The following PDE3A variants were observed in gnomAD, a reference collection of about 807,000 sequenced individuals.
PDE3A encodes the protein cGMP-inhibited 3',5'-cyclic phosphodiesterase 3A.
A neutral mutation model predicts 98.3 loss-of-function variants in PDE3A; 43 were observed. That is an observed-to-expected ratio of 0.44 (90% CI 0.34 to 0.56). The LOEUF (loss-of-function observed/expected upper bound fraction) is 0.56, where lower values mean the gene tolerates loss of function less well. PDE3A is among the 20% of genes least tolerant of loss of function. PDE3A has a pLI of 0.01. For synonymous variants in PDE3A, 663 were observed against 567.9 expected, an observed-to-expected ratio of 1.17 and a Z score of -2.38; for missense variants, 1,427 against 1,440.7, an observed-to-expected ratio of 0.99 and a Z score of 0.15.
chr12:20,452,458 A>G (rs1183319951), intron 1 of PDE3A, among the ~76,000 whole-genome samples: 2 of 152,142 alleles, frequency 1.3e-5, no homozygotes, highest in African/African-American at 4.8e-5. Flanking sequence ...TTCCTTTGCA[A>G]TGTGTCTCCA....
chr12:20,398,251 G>T lies in PDE3A; in HGVS notation c.960+28007G>T, dbSNP rs558131221. On this transcript the variant is annotated intron_variant, in intron 1 of 15. Coordinates refer to ENST00000359062, the MANE Select transcript of PDE3A (RefSeq NM_000921.5). ...GGAATTATTCAGTTATCACTGGTCT[G>T]GAGAAGAAAGAGCATGGCCCATTTG... Among the ~76,000 whole-genome samples the T allele has an allele frequency of 1.1e-3, 164 of 150,952 alleles. 2 individuals are homozygous for T. Among genetic ancestry groups the T allele is most frequent in the Admixed American group, 0.011 (161 of 15,154 alleles).
At chr12:20,400,234 G>C (rs1944096984) in intron 1 of PDE3A, among the ~76,000 whole-genome samples, 2 of 152,018 alleles carry the variant, frequency 1.3e-5, no homozygotes, top group Non-Finnish European at 2.9e-5. Flanking sequence ...GGAGCTGCTT[G>C]CTACCTGAAG....
At position 20,684,576 on chromosome 12, in the gene PDE3A, G is replaced by A. The variant is rs772668536; in HGVS notation, c.*4305G>A. 6.6e-6 allele frequency among the ~76,000 whole-genome samples: 1 copy of A among 152,118 alleles called. No individual in the cohort carries two copies. Among genetic ancestry groups the A allele is most frequent in the Non-Finnish European group, 1.5e-5 (1 of 68,026 alleles). ...CCAAACTGAGTTTATTTCATTGATC[G>A]AACAAGCAGCAACACATTTTATGAC... On this transcript the variant is annotated 3_prime_UTR_variant, in exon 16 of 16. Transcript: ENST00000359062.
In PDE3A at chr12:20,680,208, A is replaced by C. The variant is rs1309636625; in HGVS notation, c.3363A>C (p.Glu1121Asp). Reference protein sequence around the residue: ...HSSEQIQAIKEEEEEKGKPRG... With the variant: ...HSSEQIQAIKDEEEEKGKPRG... The stretch of plus-strand genomic sequence containing the variant: ...CAGAACAGATCCAGGCTATCAAGGA[A>C]GAAGAAGAAGAGAAAGGGAAACCAA... The change falls in exon 16 of 16, where the codon GAA becomes GAC. Residue 1121 changes from glutamate to aspartate, a missense_variant. By Grantham distance (45) the Glu-to-Asp change is conservative. Transcript: ENST00000359062. The C allele has an allele frequency of 1.2e-6, 2 of 1,608,476 alleles. No homozygotes were observed. Among genetic ancestry groups the C allele is most frequent in the Non-Finnish European group, 1.7e-6 (2 of 1,175,466 alleles).
chr12:20,411,617 C>T (rs1944333936), intron 1 of PDE3A, among the ~76,000 whole-genome samples: 1 of 152,036 alleles, frequency 6.6e-6, no homozygotes, highest in African/African-American at 2.4e-5. Flanking sequence ...TAACAGGTCT[C>T]TGGAGATTCC....
chr12:20,618,154 G>A (rs1320804926), intron 4 of PDE3A, among the ~76,000 whole-genome samples: 1 of 152,010 alleles, frequency 6.6e-6, no homozygotes, highest in Non-Finnish European at 1.5e-5. Flanking sequence ...AAATCTGAAA[G>A]CAATATAATT....
chr12:20,628,560 G>C (rs1592128004), intron 5 of PDE3A, among the ~76,000 whole-genome samples: 1 of 152,196 alleles, frequency 6.6e-6, no homozygotes, highest in East Asian at 1.9e-4. Flanking sequence ...GTGACCTTGG[G>C]AGGGTTTTTT....
chr12:20,447,432 C>T (rs796806712), intron 1 of PDE3A, among the ~76,000 whole-genome samples: 6 of 152,238 alleles, frequency 3.9e-5, no homozygotes, highest in African/African-American at 1.4e-4. Flanking sequence ...GACTTTCAGC[C>T]CCATCTCTCA....
intron 2 of PDE3A, among the ~76,000 whole-genome samples, chr12:20,598,003 A>G (rs573981920): frequency 6.6e-6 from 1 of 152,300 alleles, no homozygotes; most frequent in South Asian, 2.1e-4. Flanking sequence ...AAGCTTCAAA[A>G]TCACTTCTAA....
chr12:20,400,711 C>T (rs1161534763), intron 1 of PDE3A, among the ~76,000 whole-genome samples: 1 of 152,134 alleles, frequency 6.6e-6, no homozygotes, highest in African/African-American at 2.4e-5. Context: ...AGCCACTGCG[C>T]CCGGTCAACA....
intron 1 of PDE3A, among the ~76,000 whole-genome samples, chr12:20,540,960 A>T (rs1033303009): frequency 6.6e-6 from 1 of 151,672 alleles, no homozygotes; most frequent in African/African-American, 2.4e-5. Flanking sequence ...TTTCTTTAAG[A>T]CCCTCTCACT....
chr12:20,434,348 T>G (rs1944746660), intron 1 of PDE3A, among the ~76,000 whole-genome samples: 1 of 152,138 alleles, frequency 6.6e-6, no homozygotes, highest in Admixed American at 6.6e-5. Context: ...ATAGGGGCTT[T>G]GAATTTGTGT....
intron 2 of PDE3A, among the ~76,000 whole-genome samples, chr12:20,609,116 A>T (rs907509042): frequency 9.2e-5 from 14 of 152,170 alleles, no homozygotes; most frequent in Admixed American, 9.2e-4. Context: ...AAAAAATTGA[A>T]TAATGATATT....
At chr12:20,650,095 G>C (rs1291116883) in intron 13 of PDE3A, among the ~76,000 whole-genome samples, 1 of 152,110 alleles carries the variant, frequency 6.6e-6, no homozygotes, top group African/African-American at 2.4e-5. Context: ...AATCACAACA[G>C]AGTAAATGGG....
chr12:20,608,237 C>G (rs1943762691), intron 2 of PDE3A, among the ~76,000 whole-genome samples: 1 of 152,164 alleles, frequency 6.6e-6, no homozygotes, highest in Admixed American at 6.5e-5. Context: ...TTTTAAATTG[C>G]ATGCCTCATT....
Position 20,630,275 on chromosome 12 carries a change from G to T in PDE3A, c.1760+148G>T, listed in dbSNP as rs1003201768. On this transcript the variant is annotated intron_variant, in intron 6 of 15. Transcript: ENST00000359062. ...AGGATAATGTGATTTGTGTTGAATA[G>T]GCTACAATAAAAACTTATGTTTTAG... The T allele has an allele frequency of 2.7e-5, 17 of 618,668 alleles. No individual in the cohort carries two copies. In the East Asian group the frequency reaches 4.3e-4, roughly 16 times the overall value. The allele number at this position is 618,668 out of a possible 1,614,324, so 38.3% of individuals were successfully genotyped here. A position where few individuals can be genotyped will look rare whatever the true frequency, so the allele number is the denominator to read the frequency against.
intron 2 of PDE3A, among the ~76,000 whole-genome samples, chr12:20,609,623 G>A (rs1328398582): frequency 6.6e-6 from 1 of 151,912 alleles, no homozygotes; most frequent in Non-Finnish European, 1.5e-5. Context: ...ACGGTTGAAG[G>A]CATTACACTT....
intron 10 of PDE3A, among the ~76,000 whole-genome samples, chr12:20,643,554 T>C (rs1034661548): frequency 1.3e-5 from 2 of 152,180 alleles, no homozygotes; most frequent in African/African-American, 4.8e-5. Context: ...GATGACAGTA[T>C]TATTCTCCTA....
At chr12:20,616,405 G>C in intron 4 of PDE3A, 21 bp downstream of exon 4, 1 of 1,609,194 alleles carries the variant, frequency 6.2e-7, no homozygotes, top group Non-Finnish European at 8.5e-7. Flanking sequence ...GCTCCTGCTG[G>C]TTTAATGTCT....
Sources: allele counts gnomAD v4.1 joint callset (sites outside exome capture counted in the v4.1 genomes callset), GRCh38; gene constraint gnomAD v4.1.1; transcripts MANE v1.5; gene names NCBI Gene and HGNC (gene_info 2026-07-23, HGNC 2026-07-21).